The following GREB1L variants were observed in gnomAD, a reference collection of about 807,000 sequenced individuals.
The protein encoded by GREB1L is GREB1 like retinoic acid receptor coactivator, also known as GREB1-like protein.
Under a neutral mutation model 200.8 loss-of-function variants are expected in GREB1L, and 17 were observed. The ratio of observed to expected loss-of-function variants is 0.08; its 90% CI spans 0.06 to 0.13. GREB1L has a LOEUF of 0.13. GREB1L is among the 10% of genes least tolerant of loss of function. GREB1L has a pLI of 1.00. For synonymous variants in GREB1L, 789 were observed against 893.0 expected (o/e 0.88, Z 2.08); for missense variants, 1,657 against 2,367.7 (o/e 0.70, Z 6.23).
chr18:21,522,790 C>A lies in GREB1L; in HGVS notation c.5741C>A (p.Pro1914His), dbSNP rs1365081030. ...ACTGCTAACAGCAGTGATGACAAGC[C>A]TCTCTACTTTCTTACTGGACGTCAT... ...FQTANSSDDK[P>H]LYFLTGRHV Residue 1914 changes from proline to histidine, a missense_variant, in exon 33 of 33, where the codon CCT becomes CAT. Coordinates refer to ENST00000424526, the MANE Select transcript of GREB1L (RefSeq NM_001142966.3). 1 of 1,551,514 alleles carries A rather than the reference C, an allele frequency of 6.4e-7. No homozygotes were observed. The highest frequency in any genetic ancestry group is 8.7e-7 in the Non-Finnish European group (1 of 1,146,908).
intron 1 of GREB1L, among the ~76,000 whole-genome samples, chr18:21,361,112 A>G (rs1329421578): frequency 6.6e-6 from 1 of 152,208 alleles, no homozygotes; most frequent in African/African-American, 2.4e-5. Context: ...AAAGATTTAA[A>G]TTTAGATGAG....
chr18:21,321,291 ATAAAAT>A (rs1265355688), intron 1 of GREB1L, among the ~76,000 whole-genome samples: 1 of 151,918 alleles, frequency 6.6e-6, no homozygotes, highest in Non-Finnish European at 1.5e-5. Flanking sequence ...GTCTCAAAAA[ATAAAAT>A]TAAATAAATA....
At chr18:21,408,147 G>A (rs10084018) in intron 7 of GREB1L, among the ~76,000 whole-genome samples, 85,427 of 151,906 alleles carry the variant, frequency 0.56, 26,674 homozygotes, top group African/African-American at 0.85. Context: ...AAAAAAGATA[G>A]ATGTTTGAGG....
At chr18:21,342,503 A>C (rs1036582460) in intron 1 of GREB1L, among the ~76,000 whole-genome samples, 5 of 152,172 alleles carry the variant, frequency 3.3e-5, no homozygotes, top group African/African-American at 9.7e-5. Flanking sequence ...AATCTGCTTT[A>C]GGGTTCTCAA....
intron 1 of GREB1L, among the ~76,000 whole-genome samples, chr18:21,365,407 G>A (rs984437478): frequency 4.6e-5 from 7 of 152,062 alleles, no homozygotes; most frequent in Admixed American, 2.0e-4. Context: ...AATCTATTTA[G>A]AGGAGAGATG....
chr18:21,452,241 G>A (rs1183868441), intron 14 of GREB1L, 24 bp downstream of exon 14: 2 of 1,549,232 alleles, frequency 1.3e-6, no homozygotes, highest in Non-Finnish European at 1.7e-6. Flanking sequence ...AGACCAAGAG[G>A]AGGAAGTCAG....
intron 27 of GREB1L, 97 bp from the exon 28 acceptor site, chr18:21,513,724 A>T: frequency 8.7e-7 from 1 of 1,147,156 alleles, no homozygotes; most frequent in Non-Finnish European, 1.2e-6. Context: ...CCATGTGAAC[A>T]GGCATTCTGT....
intron 7 of GREB1L, among the ~76,000 whole-genome samples, chr18:21,435,468 T>C (rs1205361825): frequency 1.3e-5 from 2 of 152,176 alleles, no homozygotes; most frequent in African/African-American, 2.4e-5. Context: ...AATATGGCAA[T>C]GTACAGAAGA....
intron 1 of GREB1L, among the ~76,000 whole-genome samples, chr18:21,253,671 A>T (rs2037750949): frequency 6.6e-6 from 1 of 152,208 alleles, no homozygotes; most frequent in Admixed American, 6.5e-5. Context: ...AACAAATCAG[A>T]AAAAGAAACA....
At chr18:21,249,644 C>T (rs562973122) in intron 1 of GREB1L, among the ~76,000 whole-genome samples, 1 of 151,996 alleles carries the variant, frequency 6.6e-6, no homozygotes, top group East Asian at 1.9e-4. Flanking sequence ...CACCTGAGGT[C>T]AGGAGTTTGA....
At chr18:21,300,096 A>G (rs528135819) in intron 1 of GREB1L, among the ~76,000 whole-genome samples, 2 of 152,338 alleles carry the variant, frequency 1.3e-5, no homozygotes, top group East Asian at 1.9e-4. Flanking sequence ...CATTTATAAG[A>G]GAACAGAAAT....
intron 15 of GREB1L, among the ~76,000 whole-genome samples, chr18:21,456,778 CT>C (rs2034783998): frequency 6.6e-6 from 1 of 152,212 alleles, no homozygotes; most frequent in Non-Finnish European, 1.5e-5. Context: ...AGTGAGTTCT[CT>C]CTCTCAGCTA....
chr18:21,322,174 A>G (rs989123089), intron 1 of GREB1L, among the ~76,000 whole-genome samples: 1 of 152,242 alleles, frequency 6.6e-6, no homozygotes, highest in Non-Finnish European at 1.5e-5. Context: ...TAAGTAGCGT[A>G]TATGTATAAA....
At chr18:21,306,977 T>TA (rs1163109569) in intron 1 of GREB1L, among the ~76,000 whole-genome samples, 4 of 152,374 alleles carry the variant, frequency 2.6e-5, no homozygotes, top group African/African-American at 9.6e-5. Flanking sequence ...GGAATCTTCT[T>TA]AGATTCTACT....
intron 2 of GREB1L, among the ~76,000 whole-genome samples, chr18:21,382,399 T>C (rs2144025040): frequency 6.6e-6 from 1 of 152,006 alleles, no homozygotes; most frequent in African/African-American, 2.4e-5. Context: ...AAGGGTAGGG[T>C]CTTGGCCCCA....
intron 1 of GREB1L, among the ~76,000 whole-genome samples, chr18:21,347,243 C>T (rs1598680243): frequency 6.6e-6 from 1 of 150,704 alleles, no homozygotes; most frequent in East Asian, 2.0e-4. Flanking sequence ...TGCACCACTG[C>T]ACTCCAGCCT....
At chr18:21,306,227 ATGGTTGAATTAG>A (rs1391412666) in intron 1 of GREB1L, among the ~76,000 whole-genome samples, 1 of 152,136 alleles carries the variant, frequency 6.6e-6, no homozygotes, top group Non-Finnish European at 1.5e-5. Context: ...ATACATGTTT[ATGGTTGAATTAG>A]TGAATGAGAA....
intron 1 of GREB1L, among the ~76,000 whole-genome samples, chr18:21,329,554 CAG>C (rs1373439466): frequency 6.6e-6 from 1 of 152,010 alleles, no homozygotes; most frequent in Non-Finnish European, 1.5e-5. Context: ...CTTTTCCACC[CAG>C]AGTGTCCAAG....
Position 21,496,650 on chromosome 18 carries a change from G to C in GREB1L, c.3343G>C (p.Asp1115His). The C allele has an allele frequency of 6.4e-7, 1 of 1,551,644 alleles. No homozygotes were observed. The highest frequency in any genetic ancestry group is 8.7e-7 in the Non-Finnish European group (1 of 1,147,000). ...SENDSDELLI[D>H]LERPQSNSSA... ...GAATGACTCCGATGAGCTGCTCATCGACCTGGAGCGGCCCCAGAGCAACAG... is the reference window on the plus strand; with the variant it reads ...GAATGACTCCGATGAGCTGCTCATCCACCTGGAGCGGCCCCAGAGCAACAG... The change falls in exon 21 of 33, where the codon GAC (aspartate) becomes CAC (histidine). Residue 1115 changes from aspartate to histidine, a missense_variant. Asp to His is a moderately conservative substitution (Grantham distance 81). Coordinates refer to ENST00000424526, the MANE Select transcript of GREB1L (RefSeq NM_001142966.3).
Sources: allele counts gnomAD v4.1 joint callset (sites outside exome capture counted in the v4.1 genomes callset), GRCh38; gene constraint gnomAD v4.1.1; transcripts MANE v1.5; gene names NCBI Gene and HGNC (gene_info 2026-07-23, HGNC 2026-07-21).